ATXN7L1: variants seen among roughly 807,000 people sequenced by gnomAD.
ATXN7L1 encodes the protein ataxin 7 like 1.
In ATXN7L1, 15 loss-of-function variants were observed where a neutral mutation model predicts 70.8. That is an observed-to-expected ratio of 0.21 (90% confidence interval 0.14 to 0.33). The LOEUF (loss-of-function observed/expected upper bound fraction) is 0.33, where lower values mean the gene tolerates loss of function less well. Among genes scored for constraint, ATXN7L1 ranks in the 10% least tolerant of loss-of-function variants. The pLI is 1.00. For synonymous variants in ATXN7L1, 440 were observed against 445.1 expected (o/e 0.99, Z 0.14); for missense variants, 975 against 1,097.1 (o/e 0.89, Z 1.57).
Position 105,725,160 on chromosome 7 carries a change from T to C in ATXN7L1, c.356-59872A>G, listed in dbSNP as rs187495464. On this transcript the variant is annotated intron_variant, in intron 3 of 11. Coordinates refer to ENST00000419735, the MANE Select transcript of ATXN7L1 (RefSeq NM_020725.2). ...TTTTGGGAAGACACAATTTAACCCA[T>C]TGTGACCTTGTTAACAGGGCAAACA... Among the ~76,000 whole-genome samples the C allele has an allele frequency of 2.7e-3, 415 of 152,258 alleles. 1 individual carries two copies. The highest frequency in any genetic ancestry group is 4.4e-3 in the Non-Finnish European group (301 of 68,012).
At chr7:105,717,057 G>T (rs534295848) in intron 3 of ATXN7L1, among the ~76,000 whole-genome samples, 1 of 152,036 alleles carries the variant, frequency 6.6e-6, no homozygotes, top group African/African-American at 2.4e-5. Flanking sequence ...TTTAAAAAGT[G>T]ATCATACTAA....
At chr7:105,723,936 C>T (rs752403182) in intron 3 of ATXN7L1, among the ~76,000 whole-genome samples, 25 of 152,112 alleles carry the variant, frequency 1.6e-4, no homozygotes, top group Non-Finnish European at 3.2e-4. Context: ...GCTGAAAAGT[C>T]TGGATTTTAG....
intron 2 of ATXN7L1, among the ~76,000 whole-genome samples, chr7:105,846,309 A>G (rs994674840): frequency 6.6e-6 from 1 of 152,188 alleles, no homozygotes; most frequent in Non-Finnish European, 1.5e-5. Flanking sequence ...CCCTGTCTCT[A>G]AAAGAAATAA....
intron 3 of ATXN7L1, among the ~76,000 whole-genome samples, chr7:105,786,315 C>T (rs1804293613): frequency 6.6e-6 from 1 of 152,128 alleles, no homozygotes; most frequent in Non-Finnish European, 1.5e-5. Context: ...GGCTCTTATG[C>T]CAAGAGCCCC....
intron 3 of ATXN7L1, among the ~76,000 whole-genome samples, chr7:105,744,652 A>T (rs1381799347): frequency 1.3e-5 from 2 of 152,102 alleles, no homozygotes; most frequent in African/African-American, 2.4e-5. Context: ...ATCTTTAAAA[A>T]CATGAAGGCC....
chr7:105,844,673 A>T (rs557886609), intron 2 of ATXN7L1, among the ~76,000 whole-genome samples: 7 of 152,360 alleles, frequency 4.6e-5, no homozygotes, highest in Non-Finnish European at 1.0e-4. Context: ...GAATAAGACA[A>T]GAATGTCCAC....
At chr7:105,828,684 T>C (rs763901506) in intron 2 of ATXN7L1, among the ~76,000 whole-genome samples, 2 of 152,158 alleles carry the variant, frequency 1.3e-5, no homozygotes, top group Non-Finnish European at 2.9e-5. Context: ...GAGAAACCAT[T>C]ATTATTCTCA....
chr7:105,761,214 A>C (rs1800489184), intron 3 of ATXN7L1: 1 of 1,447,010 alleles, frequency 6.9e-7, no homozygotes. Flanking sequence ...CCATTTCCTT[A>C]CTAGATCCTG....
At chr7:105,733,461 AC>A (rs1329290942) in intron 3 of ATXN7L1, among the ~76,000 whole-genome samples, 1 of 148,074 alleles carries the variant, frequency 6.8e-6, no homozygotes, top group Non-Finnish European at 1.5e-5. Context: ...AGTAAGATCC[AC>A]TTTTTGACCT....
chr7:105,714,369 G>A (rs1794278267), intron 3 of ATXN7L1, among the ~76,000 whole-genome samples: 1 of 152,176 alleles, frequency 6.6e-6, no homozygotes, highest in Non-Finnish European at 1.5e-5. Flanking sequence ...CTCAGGGGTG[G>A]GTCCAGGAAT....
chr7:105,788,151 A>G (rs1804595513), intron 3 of ATXN7L1: 1 of 154,476 alleles, frequency 6.5e-6, no homozygotes, highest in Non-Finnish European at 1.4e-5. Context: ...TTACTGATGC[A>G]CCATTTCCTT....
chr7:105,727,629 A>G (rs1795961614), intron 3 of ATXN7L1, among the ~76,000 whole-genome samples: 1 of 144,598 alleles, frequency 6.9e-6, no homozygotes. Context: ...AGATAGTGCC[A>G]TTGCACTCCA....
At chr7:105,727,760 AT>A (rs1796031466) in intron 3 of ATXN7L1, among the ~76,000 whole-genome samples, 1 of 90,400 alleles carries the variant, frequency 1.1e-5, no homozygotes, top group Non-Finnish European at 2.1e-5. Context: ...ATATATATAT[AT>A]ATATATATAT....
chr7:105,725,366 C>G (rs1795682442), intron 3 of ATXN7L1, among the ~76,000 whole-genome samples: 1 of 152,182 alleles, frequency 6.6e-6, no homozygotes, highest in Admixed American at 6.5e-5. Flanking sequence ...AATTACAGGA[C>G]TGTTGGGGGA....
chr7:105,677,929 C>T (rs551420175), intron 3 of ATXN7L1: 70 of 984,956 alleles, frequency 7.1e-5, no homozygotes, highest in African/African-American at 2.6e-4. Flanking sequence ...CTCATGGTGT[C>T]GCTCAGAGCC....
chr7:105,868,009 G>A (rs907646594), intron 2 of ATXN7L1, among the ~76,000 whole-genome samples: 1 of 152,298 alleles, frequency 6.6e-6, no homozygotes, highest in East Asian at 1.9e-4. Flanking sequence ...TTATACTACT[G>A]TGTGCTTTGC....
intron 3 of ATXN7L1, among the ~76,000 whole-genome samples, chr7:105,709,474 G>A (rs1267165572): frequency 6.6e-6 from 1 of 152,078 alleles, no homozygotes; most frequent in Non-Finnish European, 1.5e-5. Flanking sequence ...GAGTATATAT[G>A]CAGACCAACC....
chr7:105,871,574 G>T (rs1409135336), intron 2 of ATXN7L1, among the ~76,000 whole-genome samples: 1 of 152,110 alleles, frequency 6.6e-6, no homozygotes. Flanking sequence ...GCCGGGCGTG[G>T]TGGCGCATGC....
At chr7:105,773,919 A>G (rs1202853980) in intron 3 of ATXN7L1, among the ~76,000 whole-genome samples, 2 of 152,156 alleles carry the variant, frequency 1.3e-5, no homozygotes, top group East Asian at 3.9e-4. Flanking sequence ...TTCAGCCTGC[A>G]TGTGGGGCAC....
Sources: allele counts gnomAD v4.1 joint callset (sites outside exome capture counted in the v4.1 genomes callset), GRCh38; gene constraint gnomAD v4.1.1; transcripts MANE v1.5; gene names NCBI Gene and HGNC (gene_info 2026-07-23, HGNC 2026-07-21).